Variants in BCAS3 observed in about 807,000 individuals in gnomAD.
BCAS3 encodes BCAS4/BCAS3 fusion.
BCAS3 carries 53 observed loss-of-function variants against 116.1 expected under a neutral mutation model. That is an observed-to-expected ratio of 0.46 (90% CI 0.37 to 0.57). The LOEUF is 0.57. Ranked by LOEUF, BCAS3 falls within the 20% of genes least tolerant of loss-of-function variation. The pLI is 0.00. For synonymous variants in BCAS3, 391 were observed against 408.2 expected (o/e 0.96, Z 0.51); for missense variants, 917 against 1,165.4 (o/e 0.79, Z 3.10).
chr17:60,698,003 C>T (rs1212635001), intron 4 of BCAS3, among the ~76,000 whole-genome samples: 2 of 151,728 alleles, frequency 1.3e-5, no homozygotes, highest in Non-Finnish European at 2.9e-5. Context: ...CACGGTAAAA[C>T]CCCGTCTCTA....
chr17:60,880,866 T>G (rs1485783665), intron 9 of BCAS3, among the ~76,000 whole-genome samples: 1 of 152,242 alleles, frequency 6.6e-6, no homozygotes, highest in Admixed American at 6.5e-5. Context: ...GTGGTAATAT[T>G]TTATATTCTA....
intron 10 of BCAS3, among the ~76,000 whole-genome samples, chr17:60,895,060 G>T (rs1010929752): frequency 6.6e-6 from 1 of 152,140 alleles, no homozygotes; most frequent in Non-Finnish European, 1.5e-5. Context: ...TTTGGTATCA[G>T]ATGATGTTGG....
chr17:60,862,911 A>G (rs953406723), intron 7 of BCAS3, among the ~76,000 whole-genome samples: 1 of 151,800 alleles, frequency 6.6e-6, no homozygotes, highest in Non-Finnish European at 1.5e-5. Flanking sequence ...AAAGTTTCAC[A>G]TTTTGATAAA....
Position 61,259,453 on chromosome 17 carries a change from A to G in BCAS3, c.2426-108874A>G, listed in dbSNP as rs2049026075. Among the ~76,000 whole-genome samples, 1 of 152,122 alleles carries G rather than the reference A, an allele frequency of 6.6e-6. No individual in the cohort carries two copies. On this transcript the variant is annotated intron_variant, in intron 22 of 23. Transcript: ENST00000407086. The surrounding 1 kb of genome is among the most constrained non-coding windows in gnomAD (Gnocchi z 4.7). ...CCAGTTCCTGTCCATAGGGGTTGAG[A>G]ACATCGTTGGATGATATGTTTAATG...
chr17:61,236,510 C>T (rs558626433), intron 22 of BCAS3, among the ~76,000 whole-genome samples: 9 of 152,070 alleles, frequency 5.9e-5, no homozygotes, highest in Middle Eastern at 3.4e-3. Context: ...TTAGTAGAGA[C>T]GGGGTTTCAC....
At chr17:60,682,768 C>A (rs1268716724) in intron 2 of BCAS3, among the ~76,000 whole-genome samples, 1 of 152,014 alleles carries the variant, frequency 6.6e-6, no homozygotes, top group Non-Finnish European at 1.5e-5. Flanking sequence ...GTGATCCACT[C>A]GCCTCGGCCT....
At chr17:60,734,024 A>AT (rs1422793019) in intron 5 of BCAS3, among the ~76,000 whole-genome samples, 1 of 152,036 alleles carries the variant, frequency 6.6e-6, no homozygotes, top group Non-Finnish European at 1.5e-5. Flanking sequence ...AGTCTAGCTT[A>AT]TTTTTTTCTT....
In BCAS3 at chr17:60,889,731, T is replaced by C; in HGVS notation, c.698T>C (p.Ile233Thr). 3.7e-6 allele frequency: 6 copies of C among 1,613,422 alleles called. No homozygotes were observed. Among genetic ancestry groups the C allele is most frequent in the Non-Finnish European group, 5.1e-6 (6 of 1,179,972 alleles). ...YPCPGPNMNP[I>T]ALGSRWLAYA... ...TGTCCAGGGCCAAACATGAATCCTA[T>C]TGCTCTTGGGAGCCGCTGGCTTGCT... The change falls in exon 10 of 24, where the codon ATT becomes ACT. Residue 233 changes from isoleucine (I) to threonine (T), a missense_variant. Coordinates refer to ENST00000407086, the MANE Select transcript of BCAS3 (RefSeq NM_017679.5).
intron 22 of BCAS3, among the ~76,000 whole-genome samples, chr17:61,163,597 CTT>C (rs772415539): frequency 2.6e-5 from 4 of 152,050 alleles, no homozygotes; most frequent in Non-Finnish European, 5.9e-5. Flanking sequence ...TTCTCAGAGT[CTT>C]TATTTAAAGG....
At chr17:60,834,974 C>A (rs1340896727) in intron 7 of BCAS3, among the ~76,000 whole-genome samples, 2 of 151,338 alleles carry the variant, frequency 1.3e-5, no homozygotes, top group Middle Eastern at 3.4e-3. Context: ...TTTTAGGGAA[C>A]TTTATGATGT....
chr17:61,216,529 T>TA, intron 22 of BCAS3, among the ~76,000 whole-genome samples: 1 of 150,774 alleles, frequency 6.6e-6, no homozygotes, highest in East Asian at 2.0e-4. Flanking sequence ...TATTTTATTT[T>TA]ATTTTATTTT....
At chr17:61,210,007 G>C (rs931006750) in intron 22 of BCAS3, among the ~76,000 whole-genome samples, 1 of 152,200 alleles carries the variant, frequency 6.6e-6, no homozygotes, top group Non-Finnish European at 1.5e-5. Flanking sequence ...GCTTCTTAAA[G>C]AGGCTGAACA....
chr17:60,966,628 TA>T (rs1207107427), intron 14 of BCAS3, among the ~76,000 whole-genome samples: 3 of 149,754 alleles, frequency 2.0e-5, no homozygotes, highest in East Asian at 1.9e-4. Flanking sequence ...AAAGAACATG[TA>T]AAAAAAATTT....
intron 22 of BCAS3, among the ~76,000 whole-genome samples, chr17:61,109,705 T>C (rs1246415789): frequency 6.6e-6 from 1 of 152,236 alleles, no homozygotes; most frequent in Non-Finnish European, 1.5e-5. Context: ...GTTGAGCATT[T>C]TTCCATATGC....
chr17:60,811,245 A>G, intron 7 of BCAS3: 1 of 894,834 alleles, frequency 1.1e-6, no homozygotes, highest in Non-Finnish European at 1.8e-6. Context: ...GGACAGCGCC[A>G]GGCCCAGGAG....
chr17:60,931,937 G>A (rs1052163561), intron 13 of BCAS3, among the ~76,000 whole-genome samples: 1 of 152,124 alleles, frequency 6.6e-6, no homozygotes, highest in African/African-American at 2.4e-5. Context: ...GCTGGGTGTA[G>A]TGGTGCACTC....
intron 15 of BCAS3, among the ~76,000 whole-genome samples, chr17:60,999,383 C>CA: frequency 6.6e-6 from 1 of 151,058 alleles, no homozygotes; most frequent in African/African-American, 2.4e-5. Context: ...ACTAAAGAGA[C>CA]AAAAAAAATT....
rs576306322 is a variant in BCAS3 at position 61,224,008 on chromosome 17, G to A, written c.2425+139444G>A. On this transcript the variant is annotated intron_variant, in intron 22 of 23. Coordinates refer to ENST00000407086, the MANE Select transcript of BCAS3 (RefSeq NM_017679.5). The surrounding 1 kb of genome is among the most constrained non-coding windows in gnomAD (Gnocchi z 5.7). The stretch of plus-strand genomic sequence containing the variant: ...TTTGGATAGAAGGAGGTGGGTCAGA[G>A]TGAAGTTGTTAATCTTCAATTTTTT... Among the ~76,000 whole-genome samples, 2 of 152,242 alleles carry A rather than the reference G, an allele frequency of 1.3e-5. No homozygotes were observed. Among genetic ancestry groups the A allele is most frequent in the East Asian group, 3.8e-4 (2 of 5,200 alleles).
chr17:61,138,724 C>A (rs1001995538), intron 22 of BCAS3, among the ~76,000 whole-genome samples: 7 of 151,984 alleles, frequency 4.6e-5, no homozygotes, highest in African/African-American at 1.7e-4. Context: ...TAATTTTTTA[C>A]TAGAACATTT....
Sources: allele counts gnomAD v4.1 joint callset (sites outside exome capture counted in the v4.1 genomes callset), GRCh38; gene constraint gnomAD v4.1.1; non-coding constraint Gnocchi (gnomAD v3.1); transcripts MANE v1.5; gene names NCBI Gene and HGNC (gene_info 2026-07-23, HGNC 2026-07-21).